KSR2: variants seen among roughly 807,000 people sequenced by gnomAD.
KSR2 encodes the protein kinase suppressor of ras 2.
KSR2 carries 25 observed loss-of-function variants against 107.8 expected under a neutral mutation model. The observed-to-expected ratio is 0.23, with a 90% CI of 0.17 to 0.32. The LOEUF (loss-of-function observed/expected upper bound fraction) is 0.32. Ranked by LOEUF, KSR2 falls within the 10% of genes least tolerant of loss-of-function variation. The probability of loss-of-function intolerance (pLI) is 1.00; values close to 1 mark genes in which losing one functional copy is unlikely to be tolerated. For missense variants in KSR2, 887 were observed against 1,268.9 expected (o/e 0.70, Z 4.57); for synonymous variants, 480 against 507.0 (o/e 0.95, Z 0.71).
chr12:117,881,548 GACA>G lies in KSR2; in HGVS notation c.181-21120_181-21118del, dbSNP rs1225941424. Among the ~76,000 whole-genome samples the G allele has an allele frequency of 6.6e-5, 10 of 152,344 alleles. No homozygotes were observed. In the South Asian group the frequency reaches 1.5e-3, roughly 22 times the overall value. The stretch of plus-strand genomic sequence containing the variant: ...CCAAGAATCTCAACAGCTAGAAAGT[GACA>G]ACAACATTCCCCATTTTGCTCAGGC... On this transcript the variant is annotated intron_variant, in intron 1 of 19. Transcript: ENST00000339824.
chr12:117,616,147 T>A (rs1226186538), intron 5 of KSR2, among the ~76,000 whole-genome samples: 2 of 127,068 alleles, frequency 1.6e-5, no homozygotes, highest in Non-Finnish European at 3.2e-5. Flanking sequence ...GGTGACAGAG[T>A]GAGACCCTGT....
intron 3 of KSR2, among the ~76,000 whole-genome samples, chr12:117,813,059 CA>C (rs200445429): frequency 8.0e-5 from 12 of 149,910 alleles, no homozygotes; most frequent in African/African-American, 2.4e-4. Context: ...ACAAAGGTGT[CA>C]AAAAAAAACT....
chr12:117,652,683 T>G (rs1883954677), intron 5 of KSR2, among the ~76,000 whole-genome samples: 1 of 152,310 alleles, frequency 6.6e-6, no homozygotes, highest in African/African-American at 2.4e-5. Flanking sequence ...AACTGTGCAC[T>G]GGGGAAAGGG....
chr12:117,654,194 C>G (rs960763887), intron 5 of KSR2, among the ~76,000 whole-genome samples: 2 of 152,180 alleles, frequency 1.3e-5, no homozygotes, highest in Non-Finnish European at 2.9e-5. Flanking sequence ...TGCTTTCTGA[C>G]CCATGTAGCC....
chr12:117,469,278 C>T (rs1871301811), intron 19 of KSR2, among the ~76,000 whole-genome samples: 1 of 152,128 alleles, frequency 6.6e-6, no homozygotes, highest in Non-Finnish European at 1.5e-5. Context: ...AGGCTGCTGG[C>T]TCAGAAGGAA....
At chr12:117,517,101 A>G (rs762567059) in intron 14 of KSR2, among the ~76,000 whole-genome samples, 2 of 152,200 alleles carry the variant, frequency 1.3e-5, no homozygotes, top group Non-Finnish European at 2.9e-5. Context: ...AAGAAGGCAA[A>G]TCCAAAAGAA....
chr12:117,667,885 A>G (rs1884734726), intron 4 of KSR2, among the ~76,000 whole-genome samples: 1 of 152,110 alleles, frequency 6.6e-6, no homozygotes, highest in African/African-American at 2.4e-5. Flanking sequence ...AGCACAAGCA[A>G]ACACTTCAGC....
chr12:117,857,336 G>A lies in KSR2; in HGVS notation c.322-1758C>T, dbSNP rs149542266. The stretch of plus-strand genomic sequence containing the variant: ...CGGTTTCCAAAAGTGCTGAGATTAC[G>A]GACTTGAGCCACTGCACCCAGTCCA... On this transcript the variant is annotated intron_variant, in intron 2 of 19. Transcript: ENST00000339824. 4.6e-5 allele frequency among the ~76,000 whole-genome samples: 7 copies of A among 152,208 alleles called. No homozygotes were observed. In the East Asian group the frequency reaches 1.2e-3, roughly 25 times the overall value.
At chr12:117,802,945 C>T (rs906526479) in intron 3 of KSR2, among the ~76,000 whole-genome samples, 1 of 152,190 alleles carries the variant, frequency 6.6e-6, no homozygotes, top group Non-Finnish European at 1.5e-5. Context: ...TACTGTGCCT[C>T]GGTGCCATTT....
At chr12:117,947,506 C>G (rs1160899925) in intron 1 of KSR2, among the ~76,000 whole-genome samples, 1 of 152,104 alleles carries the variant, frequency 6.6e-6, no homozygotes, top group Non-Finnish European at 1.5e-5. Context: ...AGGATATATA[C>G]TCCCACTATT....
chr12:117,925,392 G>A (rs758991958), intron 1 of KSR2, among the ~76,000 whole-genome samples: 1 of 152,132 alleles, frequency 6.6e-6, no homozygotes, highest in African/African-American at 2.4e-5. Context: ...CCAAACTGCT[G>A]AGATTATAGG....
At chr12:117,524,607 C>T (rs533997337) in intron 14 of KSR2, among the ~76,000 whole-genome samples, 1 of 152,274 alleles carries the variant, frequency 6.6e-6, no homozygotes, top group Admixed American at 6.5e-5. Flanking sequence ...TTCAAGGCTG[C>T]TGTGAGCTAT....
intron 5 of KSR2, among the ~76,000 whole-genome samples, chr12:117,635,541 G>A (rs1200530854): frequency 1.3e-5 from 2 of 152,194 alleles, no homozygotes; most frequent in Non-Finnish European, 2.9e-5. Flanking sequence ...AAACCCAAGA[G>A]ATGATCAGTA....
intron 5 of KSR2, among the ~76,000 whole-genome samples, chr12:117,631,673 A>G (rs1882814195): frequency 6.6e-6 from 1 of 152,214 alleles, no homozygotes. Flanking sequence ...TTCATTAACA[A>G]CCAGAATCCA....
chr12:117,658,947 G>T (rs142654374), intron 5 of KSR2, among the ~76,000 whole-genome samples: 2 of 152,146 alleles, frequency 1.3e-5, no homozygotes, highest in Non-Finnish European at 2.9e-5. Flanking sequence ...CTCTTGGTAC[G>T]TCAGTTTTCT....
At chr12:117,858,417 G>C (rs1893170559) in intron 2 of KSR2, among the ~76,000 whole-genome samples, 1 of 152,104 alleles carries the variant, frequency 6.6e-6, no homozygotes, top group Non-Finnish European at 1.5e-5. Flanking sequence ...GGAAATACGA[G>C]ATTGCGCGTG....
At chr12:117,916,200 G>A (rs1447001868) in intron 1 of KSR2, among the ~76,000 whole-genome samples, 8 of 142,992 alleles carry the variant, frequency 5.6e-5, no homozygotes, top group East Asian at 2.1e-4. Context: ...ACATTGGCGC[G>A]ATCTCAGCTC....
intron 6 of KSR2, among the ~76,000 whole-genome samples, chr12:117,581,543 C>T (rs1879663520): frequency 6.6e-6 from 1 of 152,224 alleles, no homozygotes; most frequent in African/African-American, 2.4e-5. Context: ...CTTCCAGGGC[C>T]TCAGTCTGCC....
intron 4 of KSR2, among the ~76,000 whole-genome samples, chr12:117,741,491 C>A (rs1888220513): frequency 6.6e-6 from 1 of 152,186 alleles, no homozygotes; most frequent in African/African-American, 2.4e-5. Flanking sequence ...CACCACTGCA[C>A]TCCAGCCTAG....
Sources: gnomAD v4.1 joint callset for allele counts (sites outside exome capture counted in the v4.1 genomes callset) on GRCh38, gnomAD v4.1.1 for gene constraint, MANE v1.5 for transcripts, NCBI Gene and HGNC (gene_info 2026-07-23, HGNC 2026-07-21) for gene names.